The following MRPL14 variants were observed in gnomAD, a reference collection of about 807,000 sequenced individuals.
MRPL14 encodes the protein large ribosomal subunit protein uL14m.
MRPL14 carries 8 observed loss-of-function variants against 10.9 expected under a neutral mutation model. The ratio of observed to expected loss-of-function variants is 0.74; its 90% CI spans 0.43 to 1.33. The LOEUF is 1.33. Among genes scored for constraint, MRPL14 ranks in the 40% most tolerant of loss-of-function variants. MRPL14 has a pLI of 0.01. For missense variants in MRPL14, 179 were observed against 194.5 expected (o/e 0.92, Z 0.47); for synonymous variants, 82 against 74.1 (o/e 1.11, Z -0.54).
rs575715115 is a variant in MRPL14 at position 44,116,498 on chromosome 6, T to G, written c.71+43A>C. 5.7e-6 allele frequency: 9 copies of G among 1,590,574 alleles called. No homozygotes were observed. In the East Asian group the frequency reaches 1.8e-4, roughly 32 times the overall value. On this transcript the variant is annotated intron_variant, in intron 2 of 2. Coordinates refer to ENST00000372014, the MANE Select transcript of MRPL14 (RefSeq NM_032111.4). ...GTAATACCCAGCCCTGATAGGAAGC[T>G]TACACAAAGACACAGTTTTAAGAAC...
intron 2 of MRPL14, among the ~76,000 whole-genome samples, 165 bp from the exon 3 acceptor site, chr6:44,114,374 T>G (rs532384738): frequency 6.6e-6 from 1 of 152,352 alleles, no homozygotes; most frequent in Non-Finnish European, 1.5e-5. Context: ...TGAAGACTTA[T>G]CTGTACCCAC....
At chr6:44,119,927 C>T (rs536180401) in intron 1 of MRPL14, among the ~76,000 whole-genome samples, 43 of 152,246 alleles carry the variant, frequency 2.8e-4, no homozygotes, top group Non-Finnish European at 5.1e-4. Context: ...CTCTCAACAC[C>T]GCACTGCTTC....
At chr6:44,123,011 C>G (rs761759169) in intron 1 of MRPL14, among the ~76,000 whole-genome samples, 2 of 152,156 alleles carry the variant, frequency 1.3e-5, no homozygotes, top group Non-Finnish European at 2.9e-5. Context: ...TTGGTGTGTG[C>G]GTGGTTTTGT....
At chr6:44,121,687 C>T (rs1376303530) in intron 1 of MRPL14, among the ~76,000 whole-genome samples, 1 of 152,242 alleles carries the variant, frequency 6.6e-6, no homozygotes, top group African/African-American at 2.4e-5. Context: ...CGCCTATAAT[C>T]CCAACACTTT....
intron 1 of MRPL14, among the ~76,000 whole-genome samples, chr6:44,120,086 C>T (rs942141100): frequency 2.0e-5 from 3 of 152,138 alleles, no homozygotes; most frequent in African/African-American, 4.8e-5. Flanking sequence ...CTCTCTGCAC[C>T]TTGCTCACAA....
intron 1 of MRPL14, among the ~76,000 whole-genome samples, chr6:44,125,148 A>C (rs1429150937): frequency 1.3e-5 from 2 of 152,158 alleles, no homozygotes; most frequent in Non-Finnish European, 2.9e-5. Flanking sequence ...AGCAATAATA[A>C]AATATTTTGG....
intron 2 of MRPL14, among the ~76,000 whole-genome samples, chr6:44,114,740 C>G (rs376448948): frequency 7.2e-5 from 11 of 152,334 alleles, no homozygotes; most frequent in South Asian, 6.2e-4. Context: ...TCCCAAGTAG[C>G]TAGGAATACA....
At chr6:44,116,941 C>T (rs1277415793) in intron 1 of MRPL14, among the ~76,000 whole-genome samples, 1 of 152,158 alleles carries the variant, frequency 6.6e-6, no homozygotes, top group Non-Finnish European at 1.5e-5. Flanking sequence ...AAATATGAGC[C>T]CTTGGTTATA....
chr6:44,119,298 G>A (rs184961001), intron 1 of MRPL14, among the ~76,000 whole-genome samples: 46 of 152,268 alleles, frequency 3.0e-4, no homozygotes, highest in East Asian at 9.6e-4. Flanking sequence ...CAAGGCAGGC[G>A]GATCACTTGA....
intron 1 of MRPL14, among the ~76,000 whole-genome samples, chr6:44,122,362 C>T (rs1250933216): frequency 1.3e-5 from 2 of 152,314 alleles, no homozygotes; most frequent in African/African-American, 4.8e-5. Context: ...GGATTACAGG[C>T]ATGAGCCACC....
intron 1 of MRPL14, among the ~76,000 whole-genome samples, chr6:44,119,549 C>T (rs895399604): frequency 4.1e-4 from 62 of 152,012 alleles, no homozygotes; most frequent in African/African-American, 1.4e-3. Flanking sequence ...AGAATACTGA[C>T]GTCACATGCA....
chr6:44,116,642 CGA>C lies in MRPL14; in HGVS notation c.-18-15_-18-14del, dbSNP rs752665391. 2.1e-5 allele frequency: 33 copies of C among 1,603,732 alleles called. 1 individual carries two copies. The Admixed American group carries it at 5.4e-4, about 26-fold the overall frequency. On this transcript the variant is annotated splice_polypyrimidine_tract_variant and intron_variant, in intron 1 of 2. Transcript: ENST00000372014. ...CCCAAGATAGATCCTGCAGGAAAAA[CGA>C]GAGGGGGAAAAATTGGTTTCTAAGT...
intron 1 of MRPL14, among the ~76,000 whole-genome samples, chr6:44,119,722 A>C (rs1157141224): frequency 6.6e-6 from 1 of 152,168 alleles, no homozygotes; most frequent in Admixed American, 6.5e-5. Flanking sequence ...AAAACAACAA[A>C]ACAAAACTTC....
At chr6:44,117,840 G>GTTTTTTTTT (rs56204643) in intron 1 of MRPL14, among the ~76,000 whole-genome samples, 7 of 75,364 alleles carry the variant, frequency 9.3e-5, no homozygotes, top group Admixed American at 1.8e-4. Flanking sequence ...AATTTTTTGT[G>GTTTTTTTTT]TTTTTTTTTT....
intron 1 of MRPL14, among the ~76,000 whole-genome samples, chr6:44,122,505 T>A (rs1287881783): frequency 3.9e-5 from 6 of 152,192 alleles, no homozygotes; most frequent in Non-Finnish European, 8.8e-5. Flanking sequence ...CAAAATATAA[T>A]TAGTATCACA....
chr6:44,114,021 A>T lies in MRPL14; in HGVS notation c.260T>A (p.Val87Glu), dbSNP rs774709879. ...TCGGGGGCCAGGCATGCAGTGCCCCACAATGAGCGCCTTTTTCTTCTGTCC... is the reference window on the plus strand; with the variant it reads ...TCGGGGGCCAGGCATGCAGTGCCCCTCAATGAGCGCCTTTTTCTTCTGTCC... ...IKGQKKKALI[V>E]GHCMPGPRMT... Residue 87 changes from valine to glutamate, a missense_variant, in exon 3 of 3, where the codon GTG becomes GAG. Coordinates refer to ENST00000372014, the MANE Select transcript of MRPL14 (RefSeq NM_032111.4). 7 of 1,614,114 alleles carry T rather than the reference A, an allele frequency of 4.3e-6. No homozygotes were observed. The highest frequency in any genetic ancestry group is 4.2e-6 in the Non-Finnish European group (5 of 1,180,046).
intron 1 of MRPL14, chr6:44,126,981 CGGA>C (rs974903338): frequency 2.6e-5 from 4 of 152,254 alleles, no homozygotes; most frequent in African/African-American, 9.7e-5. Context: ...GCGCGGAAAG[CGGA>C]GAAGCCGGAG....
chr6:44,121,108 C>G (rs986352227), intron 1 of MRPL14, among the ~76,000 whole-genome samples: 6 of 152,022 alleles, frequency 3.9e-5, no homozygotes, highest in African/African-American at 1.5e-4. Flanking sequence ...GGACACAGAC[C>G]CTGAATCACT....
chr6:44,116,668 G>A (rs1332831544), intron 1 of MRPL14, 39 bp from the exon 2 acceptor site: 1 of 1,486,836 alleles, frequency 6.7e-7, no homozygotes, highest in Non-Finnish European at 9.4e-7. Flanking sequence ...TGGTTTCTAA[G>A]TCAGAGCCCT....
Sources: allele counts gnomAD v4.1 joint callset (sites outside exome capture counted in the v4.1 genomes callset), GRCh38; gene constraint gnomAD v4.1.1; transcripts MANE v1.5; gene names NCBI Gene and HGNC (gene_info 2026-07-23, HGNC 2026-07-21).